The following DPP6 variants were observed in gnomAD, a reference collection of about 807,000 sequenced individuals.
The protein encoded by DPP6 is A-type potassium channel modulatory protein DPP6.
In DPP6, 69 loss-of-function variants were observed where a neutral mutation model predicts 122.6. The ratio of observed to expected loss-of-function variants is 0.56; its 90% CI spans 0.46 to 0.69. DPP6 has a LOEUF of 0.69. Among genes scored for constraint, DPP6 ranks in the 30% least tolerant of loss-of-function variants. The pLI is 0.00. For missense variants in DPP6, 928 were observed against 1,116.9 expected, an observed-to-expected ratio of 0.83 and a Z score of 2.41; for synonymous variants, 418 against 433.1, an observed-to-expected ratio of 0.97 and a Z score of 0.43.
chr7:154,016,413 TC>T, intron 1 of DPP6, among the ~76,000 whole-genome samples: 1 of 151,908 alleles, frequency 6.6e-6, no homozygotes, highest in East Asian at 1.9e-4. Flanking sequence ...TTTTTTTTTT[TC>T]AGAGAAGCCA....
intron 7 of DPP6, among the ~76,000 whole-genome samples, chr7:154,673,570 G>A (rs903300074): frequency 6.6e-6 from 1 of 152,230 alleles, no homozygotes; most frequent in African/African-American, 2.4e-5. Context: ...CCACTTCTGT[G>A]ATGATGCTGG....
In DPP6 at chr7:154,633,722, G is replaced by T. The variant is rs990745810; in HGVS notation, c.628-4099G>T. ...CTCTTTAAACAGTCATTCCCTTTGT[G>T]CCTGCAGTTCTTTTGGCTTGATGTT... On this transcript the variant is annotated intron_variant, in intron 5 of 25. Transcript: ENST00000377770. 5.3e-5 allele frequency among the ~76,000 whole-genome samples: 8 copies of T among 152,158 alleles called. 1 individual carries two copies. Among genetic ancestry groups the T allele is most frequent in the Admixed American group, 2.6e-4 (4 of 15,284 alleles).
At position 154,892,615 on chromosome 7, in the gene DPP6, T is replaced by C; in HGVS notation, c.*135T>C. ...TGTTCCATAGCATGTGTGTCTCGGA[T>C]GCGGAAGGCAGTTTTGCTTGGGAAA... On this transcript the variant is annotated 3_prime_UTR_variant, in exon 26 of 26. Coordinates refer to ENST00000377770, the MANE Select transcript of DPP6 (RefSeq NM_130797.4). The C allele has an allele frequency of 6.6e-7, 1 of 1,517,226 alleles. No individual in the cohort carries two copies. Among genetic ancestry groups the C allele is most frequent in the Non-Finnish European group, 8.9e-7 (1 of 1,128,224 alleles). The allele number at this position is 1,517,226 out of a possible 1,614,324, so 94.0% of individuals were successfully genotyped here.
chr7:154,410,979 G>T (rs771770884), intron 1 of DPP6, among the ~76,000 whole-genome samples: 4 of 152,092 alleles, frequency 2.6e-5, no homozygotes, highest in Non-Finnish European at 5.9e-5. Flanking sequence ...CTACAAGTAG[G>T]TTTGGGCCAA....
At chr7:154,787,022 C>T (rs1302666525) in intron 10 of DPP6, among the ~76,000 whole-genome samples, 1 of 152,168 alleles carries the variant, frequency 6.6e-6, no homozygotes. Flanking sequence ...AATCTCTCAG[C>T]CCTCCCCTGT....
At chr7:153,956,307 G>C (rs1802459918) in intron 1 of DPP6, among the ~76,000 whole-genome samples, 1 of 152,070 alleles carries the variant, frequency 6.6e-6, no homozygotes, top group Non-Finnish European at 1.5e-5. Context: ...AGAGGCAGGA[G>C]ACAAGGCAGG....
chr7:154,271,821 G>A (rs1350496375), intron 1 of DPP6, among the ~76,000 whole-genome samples: 1 of 152,120 alleles, frequency 6.6e-6, no homozygotes, highest in Non-Finnish European at 1.5e-5. Context: ...TATTCTGAAG[G>A]AAAAGGATCC....
At chr7:153,909,027 C>T (rs991690892) in intron 1 of DPP6, among the ~76,000 whole-genome samples, 1 of 152,238 alleles carries the variant, frequency 6.6e-6, no homozygotes, top group Non-Finnish European at 1.5e-5. Flanking sequence ...GCTGGGATTA[C>T]AGGCATGAGC....
At chr7:153,943,289 A>G (rs1687655187) in intron 1 of DPP6, among the ~76,000 whole-genome samples, 1 of 152,182 alleles carries the variant, frequency 6.6e-6, no homozygotes, top group South Asian at 2.1e-4. Flanking sequence ...CTTGCCTCTC[A>G]AATTCTAGAA....
intron 1 of DPP6, among the ~76,000 whole-genome samples, chr7:154,337,946 G>A (rs1157833179): frequency 1.1e-4 from 16 of 152,192 alleles, no homozygotes; most frequent in Admixed American, 8.5e-4. Flanking sequence ...CTCTCGGCCC[G>A]TGTGGCATGC....
chr7:154,272,595 T>C (rs1803867010), intron 1 of DPP6, among the ~76,000 whole-genome samples: 1 of 152,174 alleles, frequency 6.6e-6, no homozygotes, highest in Non-Finnish European at 1.5e-5. Context: ...CTGAATGAGG[T>C]TCATTTTTAA....
chr7:153,759,935 GTTTCTGTCTC>G, the DPP6 span, among the ~76,000 whole-genome samples: 9 of 147,294 alleles, frequency 6.1e-5, no homozygotes, highest in Non-Finnish European at 1.1e-4. Context: ...CTCTCTCTCT[GTTTCTGTCTC>G]TCTCTCTGTC....
intron 1 of DPP6, among the ~76,000 whole-genome samples, chr7:153,914,944 A>G (rs979783847): frequency 6.6e-6 from 1 of 152,162 alleles, no homozygotes; most frequent in Non-Finnish European, 1.5e-5. Flanking sequence ...GCTTTTATTT[A>G]TTATTTAAAA....
chr7:154,063,674 T>TTG (rs1802444863), intron 1 of DPP6, among the ~76,000 whole-genome samples: 1 of 138,256 alleles, frequency 7.2e-6, no homozygotes, highest in Non-Finnish European at 1.6e-5. Context: ...AGGACCCCCA[T>TTG]CCCAGCGGGG....
chr7:153,757,689 G>T, the DPP6 span, among the ~76,000 whole-genome samples: 3 of 152,222 alleles, frequency 2.0e-5, no homozygotes, highest in Non-Finnish European at 2.9e-5. Flanking sequence ...CGGGCACGGT[G>T]GTTCACACAT....
intron 1 of DPP6, among the ~76,000 whole-genome samples, chr7:154,062,064 G>C (rs1485779993): frequency 1.1e-4 from 9 of 83,888 alleles, no homozygotes; most frequent in East Asian, 3.7e-4. Flanking sequence ...CCAGCCCCTG[G>C]TTCCCCCACT....
chr7:153,791,419 C>T, the DPP6 span, among the ~76,000 whole-genome samples: 177 of 30,688 alleles, frequency 5.8e-3, 1 homozygote, highest in African/African-American at 0.014. Flanking sequence ...TTCCTTCCTT[C>T]CTTTCTTTTT....
intron 1 of DPP6, among the ~76,000 whole-genome samples, chr7:154,304,678 A>G (rs1317265084): frequency 6.6e-6 from 1 of 151,420 alleles, no homozygotes; most frequent in Non-Finnish European, 1.5e-5. Context: ...ACGATGGAAC[A>G]TAAGTTTTCT....
intron 7 of DPP6, among the ~76,000 whole-genome samples, chr7:154,699,619 C>A (rs528021889): frequency 7.9e-5 from 12 of 152,360 alleles, no homozygotes; most frequent in Non-Finnish European, 1.6e-4. Flanking sequence ...CGCCCCCAGA[C>A]AGCCGGGCCC....
Sources: allele counts gnomAD v4.1 joint callset (sites outside exome capture counted in the v4.1 genomes callset), GRCh38; gene constraint gnomAD v4.1.1; transcripts MANE v1.5; gene names NCBI Gene and HGNC (gene_info 2026-07-23, HGNC 2026-07-21).